The following LRMDA variants were observed in gnomAD, a reference collection of about 807,000 sequenced individuals.
The protein encoded by LRMDA is leucine-rich melanocyte differentiation-associated protein.
In LRMDA, 18 loss-of-function variants were observed where a neutral mutation model predicts 29.8. The observed-to-expected ratio is 0.60, with a 90% CI of 0.42 to 0.90. The LOEUF (loss-of-function observed/expected upper bound fraction) is 0.90. Ranked by LOEUF, LRMDA falls within the 40% of genes least tolerant of loss-of-function variation. The pLI is 0.00. For synonymous variants in LRMDA, 125 were observed against 109.4 expected (o/e 1.14, Z -0.89); for missense variants, 273 against 273.9 (o/e 1.00, Z 0.02).
intron 5 of LRMDA, among the ~76,000 whole-genome samples, chr10:76,106,747 C>T (rs1849491817): frequency 6.6e-6 from 1 of 152,232 alleles, no homozygotes; most frequent in African/African-American, 2.4e-5. Flanking sequence ...CAAATGTCCT[C>T]AGGTCTCTAT....
At chr10:75,731,349 G>GT (rs893909982) in intron 2 of LRMDA, among the ~76,000 whole-genome samples, 48 of 152,258 alleles carry the variant, frequency 3.2e-4, no homozygotes, top group African/African-American at 1.1e-3. Context: ...ACCCATCTCT[G>GT]TTTTTTAGCA....
chr10:76,080,809 A>C (rs1045866000), intron 5 of LRMDA, among the ~76,000 whole-genome samples: 3 of 152,212 alleles, frequency 2.0e-5, no homozygotes, highest in African/African-American at 7.2e-5. Context: ...TCCCATCTAC[A>C]TAAGTCAGAG....
At chr10:76,296,268 T>C (rs966687340) in intron 5 of LRMDA, among the ~76,000 whole-genome samples, 1 of 152,216 alleles carries the variant, frequency 6.6e-6, no homozygotes, top group Non-Finnish European at 1.5e-5. Flanking sequence ...AATAACCCCT[T>C]GTCATCTCTG....
chr10:75,542,335 G>A (rs1171664461), intron 2 of LRMDA, among the ~76,000 whole-genome samples: 2 of 151,942 alleles, frequency 1.3e-5, no homozygotes, highest in Admixed American at 1.3e-4. Context: ...ACGTGAGCAT[G>A]TGTAGCTCCA....
intron 5 of LRMDA, among the ~76,000 whole-genome samples, chr10:76,182,404 G>A (rs978711856): frequency 7.9e-5 from 12 of 152,256 alleles, no homozygotes; most frequent in Admixed American, 2.6e-4. Flanking sequence ...GGGTGGGGAC[G>A]CAGAGACAAA....
At chr10:75,832,708 A>C (rs1028924259) in intron 2 of LRMDA, among the ~76,000 whole-genome samples, 1 of 152,262 alleles carries the variant, frequency 6.6e-6, no homozygotes, top group Admixed American at 6.5e-5. Context: ...TTACAGTTCC[A>C]TGTGGCTGGG....
At chr10:76,301,901 T>C (rs1359049616) in intron 5 of LRMDA, among the ~76,000 whole-genome samples, 1 of 152,236 alleles carries the variant, frequency 6.6e-6, no homozygotes, top group Non-Finnish European at 1.5e-5. Context: ...TTGTTGAGCA[T>C]TTTCCTGTGT....
intron 2 of LRMDA, among the ~76,000 whole-genome samples, chr10:76,000,481 G>T (rs987625657): frequency 6.6e-6 from 1 of 152,208 alleles, no homozygotes; most frequent in South Asian, 2.1e-4. Flanking sequence ...GAACAATGGT[G>T]AGAGGGAAGG....
chr10:75,545,816 T>C (rs570587611), intron 2 of LRMDA, among the ~76,000 whole-genome samples: 3 of 152,326 alleles, frequency 2.0e-5, no homozygotes, highest in African/African-American at 7.2e-5. Context: ...TAAATCTGGT[T>C]GGGAAGGAGA....
rs1841652735 is a variant in LRMDA at position 76,385,814 on chromosome 10, T to C, written c.601+61329T>C. 1.3e-5 allele frequency among the ~76,000 whole-genome samples: 2 copies of C among 152,216 alleles called. 1 individual carries two copies. The highest frequency in any genetic ancestry group is 4.1e-4 in the South Asian group (2 of 4,834). ...AAAATTGCCATTTAATGTGTATGCATCTTGTTTTCTTAAGTTGACTTTAAC... is the reference window on the plus strand; with the variant it reads ...AAAATTGCCATTTAATGTGTATGCACCTTGTTTTCTTAAGTTGACTTTAAC... On this transcript the variant is annotated intron_variant, in intron 6 of 6. Coordinates refer to ENST00000611255, the MANE Select transcript of LRMDA (RefSeq NM_001305581.2).
intron 2 of LRMDA, among the ~76,000 whole-genome samples, chr10:75,610,377 C>G (rs192113275): frequency 6.6e-6 from 1 of 151,938 alleles, no homozygotes; most frequent in Non-Finnish European, 1.5e-5. Flanking sequence ...ACACATCATA[C>G]ACCCCCACAT....
At chr10:75,886,710 A>G (rs11812901) in intron 2 of LRMDA, among the ~76,000 whole-genome samples, 332 of 152,322 alleles carry the variant, frequency 2.2e-3, no homozygotes, top group African/African-American at 7.5e-3. Flanking sequence ...CCTATAATCA[A>G]ATAAGCTAAT....
intron 6 of LRMDA, among the ~76,000 whole-genome samples, chr10:76,336,145 A>G (rs929909816): frequency 2.0e-5 from 3 of 151,196 alleles, no homozygotes; most frequent in Admixed American, 6.6e-5. Context: ...ACTGAAGGAC[A>G]TGCTCATCTC....
At chr10:75,643,312 G>A (rs1317361387) in intron 2 of LRMDA, among the ~76,000 whole-genome samples, 1 of 152,140 alleles carries the variant, frequency 6.6e-6, no homozygotes, top group Non-Finnish European at 1.5e-5. Context: ...GTATGACATT[G>A]GAAAATATAA....
intron 2 of LRMDA, among the ~76,000 whole-genome samples, chr10:75,847,419 C>T (rs1480654647): frequency 4.1e-5 from 3 of 73,746 alleles, no homozygotes; most frequent in African/African-American, 1.2e-4. Context: ...TAGAAGGAAA[C>T]ATAGGAAAGC....
At chr10:75,542,944 A>G (rs1840035749) in intron 2 of LRMDA, among the ~76,000 whole-genome samples, 1 of 152,196 alleles carries the variant, frequency 6.6e-6, no homozygotes, top group Non-Finnish European at 1.5e-5. Flanking sequence ...ATTGTTAATG[A>G]CACCGAGGAG....
chr10:75,991,771 C>G (rs1564624775), intron 2 of LRMDA, among the ~76,000 whole-genome samples: 1 of 152,180 alleles, frequency 6.6e-6, no homozygotes, highest in Non-Finnish European at 1.5e-5. Flanking sequence ...CTAGCACAGT[C>G]AACTGGCCAA....
intron 2 of LRMDA, among the ~76,000 whole-genome samples, chr10:75,677,411 G>T (rs1841973732): frequency 6.6e-6 from 1 of 151,982 alleles, no homozygotes; most frequent in Admixed American, 6.5e-5. Context: ...CACACACAGA[G>T]ATGAATCAGG....
intron 2 of LRMDA, among the ~76,000 whole-genome samples, chr10:76,020,329 G>C (rs1171478950): frequency 1.3e-5 from 2 of 152,232 alleles, no homozygotes; most frequent in African/African-American, 4.8e-5. Flanking sequence ...GGAAGAAAGA[G>C]AGTGGGGATC....
Sources: gnomAD v4.1 joint callset for allele counts (sites outside exome capture counted in the v4.1 genomes callset) on GRCh38, gnomAD v4.1.1 for gene constraint, MANE v1.5 for transcripts, NCBI Gene and HGNC (gene_info 2026-07-23, HGNC 2026-07-21) for gene names.